CACNA2D1: variants seen among roughly 807,000 people sequenced by gnomAD.
The protein encoded by CACNA2D1 is calcium voltage-gated channel auxiliary subunit alpha2delta 1.
A neutral mutation model predicts 171.5 loss-of-function variants in CACNA2D1; 53 were observed. The observed-to-expected ratio is 0.31, with a 90% CI of 0.25 to 0.39. The LOEUF is 0.39. Ranked by LOEUF, CACNA2D1 falls within the 10% of genes least tolerant of loss-of-function variation. CACNA2D1 has a pLI of 1.00. For synonymous variants in CACNA2D1, 442 were observed against 443.1 expected, an observed-to-expected ratio of 1.00 and a Z score of 0.03; for missense variants, 903 against 1,299.8, an observed-to-expected ratio of 0.69 and a Z score of 4.69.
At chr7:82,270,161 C>T (rs1393200240) in intron 3 of CACNA2D1, among the ~76,000 whole-genome samples, 1 of 152,146 alleles carries the variant, frequency 6.6e-6, no homozygotes, top group Non-Finnish European at 1.5e-5. Flanking sequence ...CTATCTCTGA[C>T]ATGCACTGTT....
At chr7:82,437,474 C>T (rs1830192002) in intron 1 of CACNA2D1, among the ~76,000 whole-genome samples, 1 of 151,968 alleles carries the variant, frequency 6.6e-6, no homozygotes, top group Admixed American at 6.6e-5. Context: ...TTAAATGTAT[C>T]CTAATTTTTT....
chr7:82,014,057 T>A (rs1275563019), intron 13 of CACNA2D1, among the ~76,000 whole-genome samples: 1 of 152,196 alleles, frequency 6.6e-6, no homozygotes, highest in African/African-American at 2.4e-5. Context: ...GAAAAAAATA[T>A]GTATGTCATA....
chr7:82,386,948 T>A (rs1824479135), intron 1 of CACNA2D1, among the ~76,000 whole-genome samples: 1 of 151,948 alleles, frequency 6.6e-6, no homozygotes, highest in African/African-American at 2.4e-5. Context: ...TATAATTACA[T>A]CTAAGCAACA....
intron 9 of CACNA2D1, among the ~76,000 whole-genome samples, chr7:82,063,586 C>A (rs1562988148): frequency 6.7e-6 from 1 of 149,298 alleles, no homozygotes; most frequent in Non-Finnish European, 1.5e-5. Context: ...CAGGGAAAAA[C>A]ATGAGCATTT....
chr7:82,142,291 C>T (rs796187624), intron 4 of CACNA2D1, among the ~76,000 whole-genome samples: 5 of 152,302 alleles, frequency 3.3e-5, no homozygotes, highest in African/African-American at 1.2e-4. Flanking sequence ...CTGCTGCTTA[C>T]TGAAATTTCA....
chr7:81,958,207 T>C (rs948688711), intron 38 of CACNA2D1, among the ~76,000 whole-genome samples: 1 of 152,084 alleles, frequency 6.6e-6, no homozygotes, highest in Non-Finnish European at 1.5e-5. Flanking sequence ...ATCTTTCATT[T>C]TTAGTCCCCA....
intron 6 of CACNA2D1, among the ~76,000 whole-genome samples, chr7:82,101,952 T>C (rs1166170455): frequency 2.6e-5 from 4 of 152,182 alleles, no homozygotes; most frequent in African/African-American, 4.8e-5. Context: ...ATTGGAGATA[T>C]TATTTCAGCA....
intron 3 of CACNA2D1, among the ~76,000 whole-genome samples, chr7:82,266,891 T>A (rs1452840459): frequency 6.6e-6 from 1 of 152,170 alleles, no homozygotes; most frequent in Non-Finnish European, 1.5e-5. Flanking sequence ...CTGTACTACC[T>A]TAAAGAAAGC....
At chr7:82,024,861 T>A (rs1166422617) in intron 12 of CACNA2D1, among the ~76,000 whole-genome samples, 1 of 151,672 alleles carries the variant, frequency 6.6e-6, no homozygotes, top group African/African-American at 2.4e-5. Context: ...TTTATTTGCA[T>A]GTCAATATTC....
At chr7:82,330,282 T>C (rs1817156088) in intron 3 of CACNA2D1, among the ~76,000 whole-genome samples, 1 of 152,144 alleles carries the variant, frequency 6.6e-6, no homozygotes, top group Non-Finnish European at 1.5e-5. Context: ...TAAATTGACT[T>C]TTTATTCAAA....
At chr7:82,048,720 A>T (rs1804837744) in intron 10 of CACNA2D1, among the ~76,000 whole-genome samples, 1 of 152,140 alleles carries the variant, frequency 6.6e-6, no homozygotes, top group East Asian at 1.9e-4. Context: ...AGTTTAATTT[A>T]ATTTAAAGAA....
intron 10 of CACNA2D1, among the ~76,000 whole-genome samples, chr7:82,045,113 A>C (rs2131265697): frequency 4.5e-5 from 1 of 22,306 alleles, no homozygotes; most frequent in South Asian, 4.0e-3. Flanking sequence ...AGAAAAGCCC[A>C]GATTAATAGA....
chr7:82,166,398 C>T (rs1400794513), intron 4 of CACNA2D1, among the ~76,000 whole-genome samples: 1 of 151,994 alleles, frequency 6.6e-6, no homozygotes, highest in African/African-American at 2.4e-5. Context: ...TGCACAGTAA[C>T]AAGCTGGTGC....
At chr7:82,169,872 C>T (rs1795839021) in intron 4 of CACNA2D1, among the ~76,000 whole-genome samples, 1 of 150,876 alleles carries the variant, frequency 6.6e-6, no homozygotes, top group South Asian at 2.1e-4. Context: ...TTTTACTGTG[C>T]CCCTTGGCTA....
At chr7:82,420,610 G>A (rs1041327509) in intron 1 of CACNA2D1, among the ~76,000 whole-genome samples, 42 of 152,132 alleles carry the variant, frequency 2.8e-4, no homozygotes, top group Non-Finnish European at 2.6e-4. Context: ...ACATAAGGTG[G>A]AAATCCAGTT....
chr7:82,220,817 C>A (rs1294275552), intron 3 of CACNA2D1, among the ~76,000 whole-genome samples: 1 of 135,204 alleles, frequency 7.4e-6, no homozygotes, highest in East Asian at 2.2e-4. Flanking sequence ...CTCACTCTGT[C>A]ACCGATGCTG....
In CACNA2D1 at chr7:81,970,493, TATA is replaced by T. The variant is rs1172270560; in HGVS notation, c.2204+179_2204+181del. The stretch of plus-strand genomic sequence containing the variant: ...AAGCAAAAACATCATTGAAGAATTT[TATA>T]ATGTCATTTTTCAGAGAAATAAAAT... On this transcript the variant is annotated intron_variant, in intron 27 of 38. Transcript: ENST00000356860. Among the ~76,000 whole-genome samples the T allele has an allele frequency of 9.2e-5, 14 of 151,702 alleles. 1 individual carries two copies. Among genetic ancestry groups the T allele is most frequent in the Admixed American group, 8.6e-4 (13 of 15,174 alleles).
intron 5 of CACNA2D1, among the ~76,000 whole-genome samples, chr7:82,133,044 T>C (rs1791184796): frequency 6.6e-6 from 1 of 152,196 alleles, no homozygotes; most frequent in South Asian, 2.1e-4. Context: ...AATTTATTGG[T>C]TTTTTATTTT....
intron 6 of CACNA2D1, among the ~76,000 whole-genome samples, chr7:82,101,839 T>G (rs370222077): frequency 6.6e-6 from 1 of 152,218 alleles, no homozygotes; most frequent in South Asian, 2.1e-4. Context: ...ATAGTACATG[T>G]TAGTTCAATT....
Sources: gnomAD v4.1 joint callset for allele counts (sites outside exome capture counted in the v4.1 genomes callset) on GRCh38, gnomAD v4.1.1 for gene constraint, MANE v1.5 for transcripts, NCBI Gene and HGNC (gene_info 2026-07-23, HGNC 2026-07-21) for gene names.